Variants in THAP4 observed in about 807,000 individuals in gnomAD.
The protein encoded by THAP4 is peroxynitrite isomerase THAP4.
A neutral mutation model predicts 48.1 loss-of-function variants in THAP4; 18 were observed. The observed-to-expected ratio is 0.37, with a 90% CI of 0.26 to 0.56. THAP4 has a LOEUF of 0.56. THAP4 is among the 20% of genes least tolerant of loss of function. THAP4 has a pLI of 0.78. For synonymous variants in THAP4, 345 were observed against 324.9 expected (o/e 1.06, Z -0.66); for missense variants, 656 against 774.9 (o/e 0.85, Z 1.82).
At chr2:241,588,598 GAAGA>G (rs1342839081) in intron 5 of THAP4, among the ~76,000 whole-genome samples, 1 of 152,228 alleles carries the variant, frequency 6.6e-6, no homozygotes, top group African/African-American at 2.4e-5. Context: ...GAGTGGGACA[GAAGA>G]GAGAGTCCTG....
intron 5 of THAP4, among the ~76,000 whole-genome samples, chr2:241,595,307 A>G (rs2067034330): frequency 6.6e-6 from 1 of 151,560 alleles, no homozygotes; most frequent in African/African-American, 2.4e-5. Context: ...GAGCCACCGC[A>G]CTCAGCCCTG....
At chr2:241,597,816 G>A (rs1003017814) in intron 5 of THAP4, among the ~76,000 whole-genome samples, 6 of 152,196 alleles carry the variant, frequency 3.9e-5, no homozygotes, top group African/African-American at 1.2e-4. Context: ...AAAGCCCCCA[G>A]GGTGCAGGGG....
At chr2:241,624,884 A>G (rs2067478430) in intron 2 of THAP4, among the ~76,000 whole-genome samples, 1 of 152,148 alleles carries the variant, frequency 6.6e-6, no homozygotes, top group Non-Finnish European at 1.5e-5. Flanking sequence ...CGACTATGAG[A>G]ACGGAAGGTG....
intron 5 of THAP4, among the ~76,000 whole-genome samples, chr2:241,596,124 G>C (rs2067043289): frequency 6.6e-6 from 1 of 152,090 alleles, no homozygotes; most frequent in Non-Finnish European, 1.5e-5. Context: ...AACCTGGCTG[G>C]GGGTGGTCCA....
At chr2:241,627,556 G>A (rs1332025847) in intron 2 of THAP4, among the ~76,000 whole-genome samples, 1 of 152,206 alleles carries the variant, frequency 6.6e-6, no homozygotes, top group Non-Finnish European at 1.5e-5. Flanking sequence ...AAGCCCACTG[G>A]CCCGCATCCT....
chr2:241,592,520 A>G (rs2066996571), intron 5 of THAP4, among the ~76,000 whole-genome samples: 1 of 152,176 alleles, frequency 6.6e-6, no homozygotes, highest in East Asian at 1.9e-4. Context: ...CAGGCTCAGT[A>G]CACAGCTCAT....
intron 5 of THAP4, among the ~76,000 whole-genome samples, chr2:241,590,046 G>A (rs955825969): frequency 4.1e-5 from 6 of 145,992 alleles, no homozygotes; most frequent in Non-Finnish European, 7.6e-5. Context: ...CGGGCACTAG[G>A]ACACGCAGAG....
rs138325576 is a variant in THAP4, at chr2:241,599,890, G to C, written c.1614+2006C>G. On this transcript the variant is annotated intron_variant, in intron 5 of 5. Coordinates refer to ENST00000407315, the MANE Select transcript of THAP4 (RefSeq NM_015963.6). Reference sequence around the variant, plus strand: ...TGTGAGAGCTAAAAATGTGTTACTGGTAAGGAAGTGGACAAGCAGACGAAG... The same window carrying C: ...TGTGAGAGCTAAAAATGTGTTACTGCTAAGGAAGTGGACAAGCAGACGAAG... 1.1e-3 allele frequency among the ~76,000 whole-genome samples: 173 copies of C among 152,266 alleles called. 1 individual carries two copies. The highest frequency in any genetic ancestry group is 3.8e-3 in the African/African-American group (156 of 41,556).
rs2067114668 is a variant in THAP4, at chr2:241,601,693, C to T, written c.1614+203G>A. 1.1e-6 allele frequency: 1 copy of T among 929,846 alleles called. No homozygotes were observed. Among genetic ancestry groups the T allele is most frequent in the Non-Finnish European group, 1.6e-6 (1 of 640,104 alleles). The allele number at this position is 929,846 out of a possible 1,614,324, so 57.6% of individuals were successfully genotyped here. A position where few individuals can be genotyped will look rare whatever the true frequency, so the allele number is the denominator to read the frequency against. ...ACAACAAACCTCAAAAAAACCACACCACTGACCAGCCGAGGAGGGGGCAAT... is the reference window on the plus strand; with the variant it reads ...ACAACAAACCTCAAAAAAACCACACTACTGACCAGCCGAGGAGGGGGCAAT... On this transcript the variant is annotated intron_variant, in intron 5 of 5. Coordinates refer to ENST00000407315, the MANE Select transcript of THAP4 (RefSeq NM_015963.6). The surrounding 1 kb of genome is among the most constrained non-coding windows in gnomAD (Gnocchi z 4.0).
upstream of THAP4, chr2:241,637,404 G>T: frequency 2.8e-6 from 4 of 1,439,758 alleles, no homozygotes; most frequent in Non-Finnish European, 3.7e-6. Context: ...CGCCTCTGCC[G>T]CCTCGACAAC....
intron 2 of THAP4, among the ~76,000 whole-genome samples, chr2:241,629,731 T>C (rs2067534793): frequency 6.6e-6 from 1 of 151,526 alleles, no homozygotes; most frequent in South Asian, 2.1e-4. Context: ...TTTCTTGTGT[T>C]GGTAACAGGA....
rs1050919755 is a variant in THAP4 at position 241,634,091 on chromosome 2, A to T, written c.78-12T>A. 7.3e-6 allele frequency: 11 copies of T among 1,516,580 alleles called. No homozygotes were observed. Among genetic ancestry groups the T allele is most frequent in the Non-Finnish European group, 8.8e-6 (10 of 1,131,676 alleles). 93.9% of individuals were successfully genotyped at this position (1,516,580 alleles called of 1,614,324 possible). ...CCTTTAGGGGGAACCTACAGGACAA[A>T]TGACAAAAAGTAATTAGAAATAATT... is the stretch of plus-strand genomic sequence containing the variant. On this transcript the variant is annotated splice_polypyrimidine_tract_variant and intron_variant, in intron 1 of 5. Transcript: ENST00000407315.
chr2:241,600,596 C>A (rs1416458242), intron 5 of THAP4, among the ~76,000 whole-genome samples: 1 of 151,626 alleles, frequency 6.6e-6, no homozygotes, highest in Non-Finnish European at 1.5e-5. Context: ...GGTGTGGTGG[C>A]GGGCACCTGT....
At chr2:241,626,887 AT>A (rs530369275) in intron 2 of THAP4, among the ~76,000 whole-genome samples, 187 of 152,328 alleles carry the variant, frequency 1.2e-3, no homozygotes, top group African/African-American at 4.3e-3. Context: ...GAACAACTTT[AT>A]ATTGTGAAAA....
intron 2 of THAP4, among the ~76,000 whole-genome samples, chr2:241,629,210 T>C (rs1217419653): frequency 6.6e-6 from 1 of 152,026 alleles, no homozygotes; most frequent in African/African-American, 2.4e-5. Flanking sequence ...TGGCTCACAA[T>C]TATAAACCCA....
At chr2:241,607,948 C>T (rs2067207173) in intron 2 of THAP4, among the ~76,000 whole-genome samples, 1 of 144,124 alleles carries the variant, frequency 6.9e-6, no homozygotes, top group Non-Finnish European at 1.5e-5. Context: ...TCCTCCAGGC[C>T]CGCAAAAGCA....
chr2:241,625,792 C>A (rs1228956514), intron 2 of THAP4, among the ~76,000 whole-genome samples: 2 of 88,102 alleles, frequency 2.3e-5, no homozygotes. Flanking sequence ...AGCAAGACTC[C>A]GTCTCAAAAA....
At chr2:241,636,471 G>T (rs2067658848) in intron 1 of THAP4, among the ~76,000 whole-genome samples, 1 of 152,174 alleles carries the variant, frequency 6.6e-6, no homozygotes, top group Non-Finnish European at 1.5e-5. Context: ...CCGTCCCGTA[G>T]ACTCTCCGCG....
At chr2:241,600,506 T>G (rs2067098785) in intron 5 of THAP4, among the ~76,000 whole-genome samples, 2 of 151,906 alleles carry the variant, frequency 1.3e-5, no homozygotes, top group Non-Finnish European at 2.9e-5. Context: ...GGCAGGTGGA[T>G]CACAAGGTCA....
Sources: allele counts gnomAD v4.1 joint callset (sites outside exome capture counted in the v4.1 genomes callset), GRCh38; gene constraint gnomAD v4.1.1; non-coding constraint Gnocchi (gnomAD v3.1); transcripts MANE v1.5; gene names NCBI Gene and HGNC (gene_info 2026-07-23, HGNC 2026-07-21).